The following ANKIB1 variants were observed in gnomAD, a reference collection of about 807,000 sequenced individuals.
ANKIB1 encodes ankyrin repeat and IBR domain-containing protein 1.
A neutral mutation model predicts 122.1 loss-of-function variants in ANKIB1; 43 were observed. The ratio of observed to expected loss-of-function variants is 0.35; its 90% CI spans 0.28 to 0.45. The LOEUF (loss-of-function observed/expected upper bound fraction) is 0.45, where lower values mean the gene tolerates loss of function less well. ANKIB1 is among the 20% of genes least tolerant of loss of function. ANKIB1 has a pLI of 1.00. For synonymous variants in ANKIB1, 390 were observed against 442.0 expected, an observed-to-expected ratio of 0.88 and a Z score of 1.48; for missense variants, 992 against 1,329.5, an observed-to-expected ratio of 0.75 and a Z score of 3.95.
intron 1 of ANKIB1, among the ~76,000 whole-genome samples, chr7:92,259,430 T>C (rs980085496): frequency 6.6e-6 from 1 of 152,236 alleles, no homozygotes; most frequent in Non-Finnish European, 1.5e-5. Flanking sequence ...TTCTGGCTTT[T>C]TTTGTATTCA....
At chr7:92,284,947 T>G (rs995644390) in intron 1 of ANKIB1, among the ~76,000 whole-genome samples, 1 of 152,246 alleles carries the variant, frequency 6.6e-6, no homozygotes, top group African/African-American at 2.4e-5. Flanking sequence ...ATAGCCAAAT[T>G]TAGGATAAGC....
chr7:92,315,066 GT>G lies in ANKIB1; in HGVS notation c.487-4263del, dbSNP rs539544106. ...TCTATAATGTTTAATATTGACAATA[GT>G]GAGCTCTCTCTTTTTGATTTGTGTA... On this transcript the variant is annotated intron_variant, in intron 3 of 19. Transcript: ENST00000265742. 1.9e-3 allele frequency among the ~76,000 whole-genome samples: 289 copies of G among 152,052 alleles called. 2 individuals carry two copies. Among genetic ancestry groups the G allele is most frequent in the African/African-American group, 6.5e-3 (268 of 41,476 alleles).
Position 92,319,504 on chromosome 7 carries a change from A to C in ANKIB1, c.661A>C (p.Lys221Gln). 1.2e-6 allele frequency: 2 copies of C among 1,600,764 alleles called. No homozygotes were observed. Among genetic ancestry groups the C allele is most frequent in the Non-Finnish European group, 1.7e-6 (2 of 1,176,828 alleles). The change falls in exon 4 of 20, where the codon AAA (lysine) becomes CAA (glutamine). Residue 221 changes from lysine (K) to glutamine (Q), a missense_variant. By Grantham distance (53) the Lys-to-Gln change is moderately conservative. Coordinates refer to ENST00000265742, the MANE Select transcript of ANKIB1 (RefSeq NM_019004.2). ...AGAAGCTGAATATGCTGCATTAGACAAACGAGAGGTCAGTTTATTTTTTCT... is the reference window on the plus strand; with the variant it reads ...AGAAGCTGAATATGCTGCATTAGACCAACGAGAGGTCAGTTTATTTTTTCT... The part of the protein sequence containing the change: ...EIEAEYAALD[K>Q]REPYEGLRPQ...
In ANKIB1 at chr7:92,400,589, T is replaced by C. The variant is rs1218256620; in HGVS notation, c.*1640T>C. 6.6e-6 allele frequency: 1 copy of C among 152,172 alleles called. No individual in the cohort carries two copies. Among genetic ancestry groups the C allele is most frequent in the Non-Finnish European group, 1.5e-5 (1 of 68,020 alleles). The allele number at this position is 152,172 out of a possible 1,614,324, so 9.4% of individuals were successfully genotyped here. A position where few individuals can be genotyped will look rare whatever the true frequency, so the allele number is the denominator to read the frequency against. ...TGTGATTATGGGTTTTGATTACTTT[T>C]TTTTTTTCCAAACCCTGCTTTTGAA... On this transcript the variant is annotated 3_prime_UTR_variant, in exon 20 of 20. Transcript: ENST00000265742.
At position 92,368,679 on chromosome 7, in the gene ANKIB1, C is replaced by G. The variant is rs371826103; in HGVS notation, c.1487-2798C>G. On this transcript the variant is annotated intron_variant, in intron 10 of 19. Transcript: ENST00000265742. ...GAGTTTGCAGTGAGCTGAGATCATG[C>G]CATTGCACTCCAGCCTGGGCGACAG... 2.0e-5 allele frequency among the ~76,000 whole-genome samples: 3 copies of G among 151,866 alleles called. No homozygotes were observed. The East Asian group carries it at 5.8e-4, about 29-fold the overall frequency.
At chr7:92,342,310 G>A (rs975665356) in intron 5 of ANKIB1, among the ~76,000 whole-genome samples, 1 of 152,130 alleles carries the variant, frequency 6.6e-6, no homozygotes, top group Non-Finnish European at 1.5e-5. Context: ...AGGAATAAAT[G>A]AAATTATGTA....
chr7:92,255,272 AACTTTCTTCTG>A (rs1801411576), intron 1 of ANKIB1, among the ~76,000 whole-genome samples: 1 of 152,210 alleles, frequency 6.6e-6, no homozygotes, highest in Non-Finnish European at 1.5e-5. Context: ...CTTTTTCCTA[AACTTTCTTCTG>A]ACTTTCTAAT....
chr7:92,358,759 T>C (rs918313695), intron 9 of ANKIB1, among the ~76,000 whole-genome samples: 3 of 149,786 alleles, frequency 2.0e-5, no homozygotes, highest in Non-Finnish European at 3.0e-5. Flanking sequence ...ATTTCATTGA[T>C]TGCATTTGTT....
chr7:92,275,042 T>TTTTTCTTTC (rs1801873565), intron 1 of ANKIB1, among the ~76,000 whole-genome samples: 1 of 152,190 alleles, frequency 6.6e-6, no homozygotes, highest in Non-Finnish European at 1.5e-5. Flanking sequence ...AGGCTGCTTT[T>TTTTTCTTTC]TTTTCTTTCT....
intron 5 of ANKIB1, among the ~76,000 whole-genome samples, chr7:92,332,184 G>C (rs1328472192): frequency 6.6e-6 from 1 of 152,154 alleles, no homozygotes; most frequent in African/African-American, 2.4e-5. Flanking sequence ...TCTCTTCTCT[G>C]TTGTTTAGGT....
chr7:92,266,933 C>T (rs1278868192), intron 1 of ANKIB1, among the ~76,000 whole-genome samples: 5 of 152,140 alleles, frequency 3.3e-5, no homozygotes, highest in African/African-American at 1.2e-4. Context: ...CAATGCCCAC[C>T]TTCATTATAG....
At chr7:92,339,252 C>T (rs1007871320) in intron 5 of ANKIB1, among the ~76,000 whole-genome samples, 1 of 151,444 alleles carries the variant, frequency 6.6e-6, no homozygotes, top group South Asian at 2.1e-4. Flanking sequence ...CTGTGTTAGC[C>T]AGGATGGTCT....
intron 11 of ANKIB1, 52 bp from the exon 12 acceptor site, chr7:92,386,454 AAAT>A: frequency 6.7e-7 from 1 of 1,496,012 alleles, no homozygotes; most frequent in Non-Finnish European, 8.9e-7. Flanking sequence ...ATAAAGCAGA[AAAT>A]AATTTGCATA....
At chr7:92,375,811 A>G (rs1371376740) in intron 11 of ANKIB1, among the ~76,000 whole-genome samples, 1 of 152,222 alleles carries the variant, frequency 6.6e-6, no homozygotes. Flanking sequence ...AGGAATCACT[A>G]TCTGTGGCAG....
intron 12 of ANKIB1, among the ~76,000 whole-genome samples, chr7:92,387,092 T>C (rs938267760): frequency 7.2e-5 from 11 of 152,036 alleles, no homozygotes; most frequent in African/African-American, 2.7e-4. Flanking sequence ...TCTCTTGGTT[T>C]GCAGACAGCC....
At chr7:92,391,437 A>C in intron 16 of ANKIB1, 93 bp downstream of exon 16, 1 of 1,178,130 alleles carries the variant, frequency 8.5e-7, no homozygotes, top group Non-Finnish European at 1.1e-6. Flanking sequence ...ATATTCCTGG[A>C]AATTATTTAC....
intron 17 of ANKIB1, among the ~76,000 whole-genome samples, chr7:92,393,035 A>G (rs1332934879): frequency 6.6e-6 from 1 of 152,070 alleles, no homozygotes; most frequent in Non-Finnish European, 1.5e-5. Flanking sequence ...ATTAAACAGT[A>G]TTTGATGCCT....
chr7:92,276,165 A>G (rs1055956390), intron 1 of ANKIB1, among the ~76,000 whole-genome samples: 1 of 152,212 alleles, frequency 6.6e-6, no homozygotes, highest in Non-Finnish European at 1.5e-5. Flanking sequence ...AGGTGAATAT[A>G]TGTAAAATCA....
chr7:92,395,466 A>G (rs1020564397), intron 17 of ANKIB1, among the ~76,000 whole-genome samples: 2 of 151,934 alleles, frequency 1.3e-5, no homozygotes, highest in Non-Finnish European at 2.9e-5. Flanking sequence ...CAATCTGGCA[A>G]GTACTTAACA....
Sources: allele counts gnomAD v4.1 joint callset (sites outside exome capture counted in the v4.1 genomes callset), GRCh38; gene constraint gnomAD v4.1.1; transcripts MANE v1.5; gene names NCBI Gene and HGNC (gene_info 2026-07-23, HGNC 2026-07-21).